The following CORIN variants were observed in gnomAD, a reference collection of about 807,000 sequenced individuals.
The protein encoded by CORIN is corin, serine peptidase.
In CORIN, 117 loss-of-function variants were observed where a neutral mutation model predicts 125.3. The observed-to-expected ratio is 0.93, with a 90% CI of 0.80 to 1.09. The LOEUF (loss-of-function observed/expected upper bound fraction) is 1.09. Among genes scored for constraint, CORIN ranks in the 50% least tolerant of loss-of-function variants. The pLI is 0.00. For missense variants in CORIN, 1,253 were observed against 1,306.7 expected (o/e 0.96, Z 0.63); for synonymous variants, 450 against 466.4 (o/e 0.96, Z 0.45).
chr4:47,656,787 G>A (rs78825423), intron 12 of CORIN, among the ~76,000 whole-genome samples: 1 of 152,260 alleles, frequency 6.6e-6, no homozygotes, highest in African/African-American at 2.4e-5. Context: ...AGCTGAAGCA[G>A]TCATAAAAGA....
At chr4:47,746,007 G>C (rs755137333) in intron 4 of CORIN, among the ~76,000 whole-genome samples, 14 of 152,146 alleles carry the variant, frequency 9.2e-5, no homozygotes, top group Non-Finnish European at 1.9e-4. Context: ...TTGAAGAAGA[G>C]GTTTTGTATT....
In CORIN at chr4:47,744,576, G is replaced by T; in HGVS notation, c.625C>A (p.Leu209Ile). The T allele has an allele frequency of 6.4e-7, 1 of 1,561,910 alleles. No homozygotes were observed. The highest frequency in any genetic ancestry group is 8.6e-7 in the Non-Finnish European group (1 of 1,159,874). Reference sequence around the variant, plus strand: ...TCACAGAAGGACCTACAGGGCAGGAGTCCATGACTAAAAAAAAAAAAAGAG... The same window carrying T: ...TCACAGAAGGACCTACAGGGCAGGATTCCATGACTAAAAAAAAAAAAAGAG... ...CIIDGDDSHG[L>I]LPCRSFCEAA... Residue 209 changes from leucine (L) to isoleucine (I), a missense_variant, in exon 5 of 22, where the codon CTC (leucine) becomes ATC (isoleucine). Coordinates refer to ENST00000273857, the MANE Select transcript of CORIN (RefSeq NM_006587.4).
chr4:47,658,861 CT>C (rs372087039), intron 12 of CORIN, among the ~76,000 whole-genome samples: 11 of 152,368 alleles, frequency 7.2e-5, no homozygotes, highest in African/African-American at 2.6e-4. Flanking sequence ...ATTTTCCACA[CT>C]TTTATGCTCT....
chr4:47,798,953 T>G (rs1731411457), intron 2 of CORIN, among the ~76,000 whole-genome samples: 1 of 152,194 alleles, frequency 6.6e-6, no homozygotes, highest in African/African-American at 2.4e-5. Flanking sequence ...CCATGAGCAC[T>G]CAATGTTTAG....
intron 4 of CORIN, among the ~76,000 whole-genome samples, chr4:47,757,872 A>AT (rs565318697): frequency 9.1e-6 from 1 of 110,234 alleles, no homozygotes; most frequent in Non-Finnish European, 1.8e-5. Flanking sequence ...ATATACATAT[A>AT]TATATGTATA....
rs61760501 is a variant in CORIN, at chr4:47,677,999, C to T, written c.1188G>A (p.Thr396=). 4,949 of 1,614,052 alleles carry T rather than the reference C, an allele frequency of 3.1e-3. 11 individuals carry two copies. The highest frequency in any genetic ancestry group is 3.7e-3 in the Non-Finnish European group (4,312 of 1,179,928). ...AGTCCTCGTCACCATCACATTGAAACGTGCTGGGGATACATTGTCCATTTC... is the reference window on the plus strand; with the variant it reads ...AGTCCTCGTCACCATCACATTGAAATGTGCTGGGGATACATTGTCCATTTC... ...ECRNGQCIPS[T]FQCDGDEDCK... The change falls in exon 9 of 22, where the codon ACG becomes ACA. Residue 396 remains threonine, a synonymous_variant. Coordinates refer to ENST00000273857, the MANE Select transcript of CORIN (RefSeq NM_006587.4).
intron 4 of CORIN, among the ~76,000 whole-genome samples, chr4:47,762,075 T>C (rs1400990025): frequency 2.0e-5 from 3 of 152,142 alleles, no homozygotes; most frequent in East Asian, 3.8e-4. Context: ...CATACATATA[T>C]GTATGTGTCT....
At chr4:47,622,795 A>G (rs1373816425) in intron 19 of CORIN, among the ~76,000 whole-genome samples, 1 of 152,038 alleles carries the variant, frequency 6.6e-6, no homozygotes, top group Non-Finnish European at 1.5e-5. Context: ...CTACCTCATC[A>G]GGTTTTGGAT....
chr4:47,706,247 G>A, intron 5 of CORIN: 1 of 630,410 alleles, frequency 1.6e-6, no homozygotes, highest in Non-Finnish European at 2.8e-6. Context: ...ATTCTTCACA[G>A]CTGTAGAAAA....
At chr4:47,824,615 C>G (rs1357475091) in intron 1 of CORIN, among the ~76,000 whole-genome samples, 1 of 152,168 alleles carries the variant, frequency 6.6e-6, no homozygotes, top group Non-Finnish European at 1.5e-5. Flanking sequence ...AGCCACCATG[C>G]CCCAGGTTCA....
chr4:47,812,187 A>G (rs1732092749), intron 1 of CORIN, among the ~76,000 whole-genome samples: 1 of 152,172 alleles, frequency 6.6e-6, no homozygotes, highest in African/African-American at 2.4e-5. Context: ...TCTTCAAAGT[A>G]GAAAAAAAAT....
At chr4:47,734,546 T>A (rs1728036982) in intron 5 of CORIN, among the ~76,000 whole-genome samples, 2 of 152,358 alleles carry the variant, frequency 1.3e-5, no homozygotes, top group South Asian at 4.1e-4. Context: ...CACAGCATAT[T>A]TACATGTAGT....
chr4:47,780,419 T>A (rs1375032871), intron 3 of CORIN, among the ~76,000 whole-genome samples: 1 of 151,952 alleles, frequency 6.6e-6, no homozygotes, highest in Non-Finnish European at 1.5e-5. Flanking sequence ...ATACATTATA[T>A]AAAAGAGAAA....
intron 4 of CORIN, among the ~76,000 whole-genome samples, chr4:47,761,384 AG>A (rs1729449134): frequency 1.3e-5 from 2 of 152,124 alleles, no homozygotes; most frequent in Non-Finnish European, 2.9e-5. Context: ...CAGAATAGGA[AG>A]GCCCCAGGCG....
intron 13 of CORIN, among the ~76,000 whole-genome samples, chr4:47,647,416 A>C (rs1299565039): frequency 1.3e-5 from 2 of 152,190 alleles, no homozygotes; most frequent in African/African-American, 4.8e-5. Flanking sequence ...TCTTCTTAAG[A>C]CTACAAGGAA....
intron 16 of CORIN, among the ~76,000 whole-genome samples, chr4:47,641,582 C>T (rs1723231450): frequency 6.6e-6 from 1 of 152,090 alleles, no homozygotes; most frequent in South Asian, 2.1e-4. Context: ...TTTCAATAAC[C>T]TCTTGGGGGG....
chr4:47,754,504 G>A (rs1729048600), intron 4 of CORIN, among the ~76,000 whole-genome samples: 1 of 152,118 alleles, frequency 6.6e-6, no homozygotes, highest in African/African-American at 2.4e-5. Context: ...AAATATGAAA[G>A]TATTTAATTC....
intron 5 of CORIN, among the ~76,000 whole-genome samples, chr4:47,714,789 G>A (rs1727013318): frequency 6.6e-6 from 1 of 152,226 alleles, no homozygotes; most frequent in Non-Finnish European, 1.5e-5. Flanking sequence ...TGATCCAGAA[G>A]AAGTTAACAG....
chr4:47,798,528 GT>G (rs1355654327), intron 2 of CORIN, among the ~76,000 whole-genome samples: 1 of 152,064 alleles, frequency 6.6e-6, no homozygotes, highest in East Asian at 1.9e-4. Context: ...ATTTAATGAG[GT>G]TTTTAAAACA....
Sources: gnomAD v4.1 joint callset for allele counts (sites outside exome capture counted in the v4.1 genomes callset) on GRCh38, gnomAD v4.1.1 for gene constraint, MANE v1.5 for transcripts, NCBI Gene and HGNC (gene_info 2026-07-23, HGNC 2026-07-21) for gene names.